The following CNTNAP2 variants were observed in gnomAD, a reference collection of about 807,000 sequenced individuals.
The protein encoded by CNTNAP2 is contactin-associated protein-like 2.
Under a neutral mutation model 155.2 loss-of-function variants are expected in CNTNAP2, and 98 were observed. That is an observed-to-expected ratio of 0.63 (90% CI 0.54 to 0.75). The LOEUF is 0.75. Ranked by LOEUF, CNTNAP2 falls within the 30% of genes least tolerant of loss-of-function variation. The pLI, the probability that CNTNAP2 is intolerant of heterozygous loss-of-function variation, is 0.00. For synonymous variants in CNTNAP2, 651 were observed against 631.2 expected, an observed-to-expected ratio of 1.03 and a Z score of -0.47; for missense variants, 1,727 against 1,688.1, an observed-to-expected ratio of 1.02 and a Z score of -0.40.
intron 1 of CNTNAP2, among the ~76,000 whole-genome samples, chr7:146,181,839 G>T (rs1471102909): frequency 6.6e-6 from 1 of 152,114 alleles, no homozygotes; most frequent in Non-Finnish European, 1.5e-5. Flanking sequence ...GAGAGAATTT[G>T]CTGGTCAAGC....
At chr7:147,640,432 G>A (rs1300502518) in intron 13 of CNTNAP2, among the ~76,000 whole-genome samples, 1 of 152,030 alleles carries the variant, frequency 6.6e-6, no homozygotes, top group Non-Finnish European at 1.5e-5. Flanking sequence ...AATATACTAG[G>A]TACTTATAAG....
chr7:146,215,494 TA>T (rs1584806146), intron 1 of CNTNAP2, among the ~76,000 whole-genome samples: 2 of 152,088 alleles, frequency 1.3e-5, no homozygotes, highest in East Asian at 3.9e-4. Context: ...ACCTCATCAC[TA>T]GATAAGTGAT....
intron 1 of CNTNAP2, among the ~76,000 whole-genome samples, chr7:146,520,601 C>A (rs1172863068): frequency 1.3e-5 from 2 of 151,632 alleles, no homozygotes; most frequent in Non-Finnish European, 1.5e-5. Flanking sequence ...CGTCTTTTTA[C>A]AGAATGGAGG....
rs529531752 is a variant in CNTNAP2, at chr7:146,389,129, A to G, written c.97+272156A>G. Among the ~76,000 whole-genome samples, 13 of 152,236 alleles carry G rather than the reference A, an allele frequency of 8.5e-5. No homozygotes were observed. In the South Asian group the frequency reaches 1.9e-3, roughly 22 times the overall value. ...ACAGTGTCTTTGTCACGTGATTATT[A>G]TATTCGCAAAAGGCTTGACTTATTT... On this transcript the variant is annotated intron_variant, in intron 1 of 23. Coordinates refer to ENST00000361727, the MANE Select transcript of CNTNAP2 (RefSeq NM_014141.6).
chr7:146,211,696 T>G (rs954749086), intron 1 of CNTNAP2, among the ~76,000 whole-genome samples: 1 of 152,140 alleles, frequency 6.6e-6, no homozygotes, highest in Non-Finnish European at 1.5e-5. Context: ...TGGAATAGCT[T>G]GGCCACTTCA....
intron 3 of CNTNAP2, among the ~76,000 whole-genome samples, chr7:146,888,779 C>T (rs531011969): frequency 6.6e-6 from 1 of 152,070 alleles, no homozygotes; most frequent in African/African-American, 2.4e-5. Context: ...ATGTTACCTA[C>T]ATGTGGGTTA....
intron 13 of CNTNAP2, among the ~76,000 whole-genome samples, chr7:147,720,863 A>G (rs1796557354): frequency 6.6e-6 from 1 of 152,054 alleles, no homozygotes; most frequent in Admixed American, 6.6e-5. Context: ...AAAAAAGACT[A>G]ATACCCTGGG....
At chr7:146,977,625 T>A (rs1797936671) in intron 3 of CNTNAP2, among the ~76,000 whole-genome samples, 1 of 152,240 alleles carries the variant, frequency 6.6e-6, no homozygotes. Flanking sequence ...TATTTCACTT[T>A]ATCAAATGTT....
chr7:148,419,651 C>G lies in CNTNAP2; in HGVS notation c.*4035C>G, dbSNP rs2116738993. On this transcript the variant is annotated 3_prime_UTR_variant, in exon 24 of 24. Coordinates refer to ENST00000361727, the MANE Select transcript of CNTNAP2 (RefSeq NM_014141.6). ...TAGAAGCCAGGTTTCACCATGTTGGCCAGGGTGGTCTCGAACTCCTGACCT... is the reference window on the plus strand; with the variant it reads ...TAGAAGCCAGGTTTCACCATGTTGGGCAGGGTGGTCTCGAACTCCTGACCT... 1 of 150,966 alleles carries G rather than the reference C, an allele frequency of 6.6e-6. No homozygotes were observed. The highest frequency in any genetic ancestry group is 2.1e-4 in the South Asian group (1 of 4,766). 9.4% of individuals were successfully genotyped at this position (150,966 alleles called of 1,614,324 possible).
At chr7:148,222,264 A>G (rs2116765463) in intron 19 of CNTNAP2, among the ~76,000 whole-genome samples, 1 of 152,352 alleles carries the variant, frequency 6.6e-6, no homozygotes, top group South Asian at 2.1e-4. Context: ...TGGGTAATTT[A>G]TAAAGAAAAG....
intron 18 of CNTNAP2, among the ~76,000 whole-genome samples, chr7:148,199,989 A>T (rs192213793): frequency 1.3e-5 from 2 of 152,324 alleles, no homozygotes; most frequent in Admixed American, 1.3e-4. Context: ...GCAGAAGAAG[A>T]CGGATGTCCC....
chr7:148,323,880 C>T (rs981445966), intron 21 of CNTNAP2, among the ~76,000 whole-genome samples: 2 of 123,296 alleles, frequency 1.6e-5, no homozygotes, highest in Non-Finnish European at 3.4e-5. Context: ...TCTGAAGCCC[C>T]ATTTTTTTTT....
At chr7:146,837,805 A>G (rs1036233727) in intron 2 of CNTNAP2, among the ~76,000 whole-genome samples, 2 of 152,164 alleles carry the variant, frequency 1.3e-5, no homozygotes, top group African/African-American at 2.4e-5. Context: ...ATATCCCTAC[A>G]TATAATGCAT....
At chr7:146,855,175 T>TGTTTATA (rs1317380568) in intron 3 of CNTNAP2, among the ~76,000 whole-genome samples, 1 of 152,126 alleles carries the variant, frequency 6.6e-6, no homozygotes, top group Admixed American at 6.5e-5. Flanking sequence ...CCGAAAAGGT[T>TGTTTATA]GTTTATACAC....
chr7:147,204,030 G>A (rs191980022), intron 8 of CNTNAP2, among the ~76,000 whole-genome samples: 1 of 151,892 alleles, frequency 6.6e-6, no homozygotes, highest in Non-Finnish European at 1.5e-5. Context: ...AGTGTGTAAT[G>A]TAAAGCTCTT....
chr7:147,941,393 T>G (rs1467140347), intron 14 of CNTNAP2, among the ~76,000 whole-genome samples: 3 of 152,138 alleles, frequency 2.0e-5, no homozygotes, highest in Non-Finnish European at 4.4e-5. Flanking sequence ...TCCCAGTAGC[T>G]TTTCTGGAAA....
intron 13 of CNTNAP2, among the ~76,000 whole-genome samples, chr7:147,667,732 A>C (rs138915763): frequency 2.4e-4 from 37 of 152,148 alleles, no homozygotes; most frequent in African/African-American, 6.5e-4. Flanking sequence ...CCATTGCATC[A>C]AGGCATTAAA....
intron 1 of CNTNAP2, among the ~76,000 whole-genome samples, chr7:146,468,802 A>T (rs1796753389): frequency 6.6e-6 from 1 of 152,198 alleles, no homozygotes. Flanking sequence ...GAAGGAGTTT[A>T]AAAAACTCTG....
At chr7:147,941,724 T>C (rs1563142446) in intron 14 of CNTNAP2, among the ~76,000 whole-genome samples, 2 of 152,190 alleles carry the variant, frequency 1.3e-5, no homozygotes, top group Non-Finnish European at 2.9e-5. Flanking sequence ...GATTCAGTAA[T>C]TACTCTAAAA....
Sources: allele counts gnomAD v4.1 joint callset (sites outside exome capture counted in the v4.1 genomes callset), GRCh38; gene constraint gnomAD v4.1.1; transcripts MANE v1.5; gene names NCBI Gene and HGNC (gene_info 2026-07-23, HGNC 2026-07-21).